Variants in TMPRSS11B observed in about 807,000 individuals in gnomAD.
The protein encoded by TMPRSS11B is transmembrane protease serine 11B.
In TMPRSS11B, 53 loss-of-function variants were observed where a neutral mutation model predicts 44.7. The observed-to-expected ratio is 1.19, with a 90% CI of 0.95 to 1.49. The LOEUF (loss-of-function observed/expected upper bound fraction) is 1.49. TMPRSS11B is among the 40% of genes most tolerant of loss of function. The pLI is 0.00. For missense variants in TMPRSS11B, 526 were observed against 494.8 expected, an observed-to-expected ratio of 1.06 and a Z score of -0.60; for synonymous variants, 140 against 159.2, an observed-to-expected ratio of 0.88 and a Z score of 0.91.
intron 2 of TMPRSS11B, among the ~76,000 whole-genome samples, chr4:68,239,936 T>C (rs745353433): frequency 6.6e-6 from 1 of 152,224 alleles, no homozygotes; most frequent in Non-Finnish European, 1.5e-5. Flanking sequence ...AAATTGGTTA[T>C]ACATGTGTAT....
chr4:68,228,076 G>A lies in TMPRSS11B; in HGVS notation c.1090-4C>T, dbSNP rs768324889. On this transcript the variant is annotated splice_region_variant and splice_polypyrimidine_tract_variant and intron_variant, in intron 9 of 9. Coordinates refer to ENST00000332644, the MANE Select transcript of TMPRSS11B (RefSeq NM_182502.3). ...CTAGTGGTCCACCAGAATCATTCTA[G>A]AAGAAGAAAAGAAAAAAATGTTTCT... is the stretch of plus-strand genomic sequence containing the variant. The A allele has an allele frequency of 6.3e-7, 1 of 1,587,332 alleles. No homozygotes were observed. Among genetic ancestry groups the A allele is most frequent in the Admixed American group, 1.9e-5 (1 of 51,694 alleles).
intron 1 of TMPRSS11B, among the ~76,000 whole-genome samples, chr4:68,242,226 T>TATA (rs1180735111): frequency 1.5e-4 from 12 of 81,504 alleles, no homozygotes; most frequent in African/African-American, 7.3e-4. Context: ...AATATTATAT[T>TATA]ATATTATATA....
chr4:68,230,762 C>G, intron 7 of TMPRSS11B, among the ~76,000 whole-genome samples: 1 of 151,212 alleles, frequency 6.6e-6, no homozygotes, highest in Non-Finnish European at 1.5e-5. Context: ...TGAGATCGCA[C>G]CATTGCACTC....
At chr4:68,241,609 A>AT in intron 2 of TMPRSS11B, 80 bp downstream of exon 2, 1 of 823,322 alleles carries the variant, frequency 1.2e-6, no homozygotes, top group Non-Finnish European at 1.9e-6. Context: ...AAGAAATTTA[A>AT]TGTTCATGTT....
At chr4:68,242,529 A>G (rs1719889694) in intron 1 of TMPRSS11B, among the ~76,000 whole-genome samples, 1 of 145,690 alleles carries the variant, frequency 6.9e-6, no homozygotes, top group Admixed American at 7.2e-5. Context: ...TTTACTTTTA[A>G]CTGCATTTTC....
rs1481689829 is a variant in TMPRSS11B, at chr4:68,242,376, A to ATAT, written c.9-575_9-573dup. On this transcript the variant is annotated intron_variant, in intron 1 of 9. Transcript: ENST00000332644. The stretch of plus-strand genomic sequence containing the variant: ...ATAATATTATATTATATATAATATT[A>ATAT]TATATATAATATATAATATATTATG... Among the ~76,000 whole-genome samples, 241 of 57,852 alleles carry ATAT rather than the reference A, an allele frequency of 4.2e-3. 9 individuals carry two copies. The highest frequency in any genetic ancestry group is 0.016 in the African/African-American group (224 of 13,834). The allele number at this position is 57,852 out of a possible 152,430, so 38.0% of individuals were successfully genotyped here. A position where few individuals can be genotyped will look rare whatever the true frequency, so the allele number is the denominator to read the frequency against.
At position 68,227,868 on chromosome 4, in the gene TMPRSS11B, G is replaced by T. The variant is rs1211742583; in HGVS notation, c.*43C>A. 1 of 1,483,826 alleles carries T rather than the reference G, an allele frequency of 6.7e-7. No homozygotes were observed. Among genetic ancestry groups the T allele is most frequent in the African/African-American group, 1.4e-5 (1 of 71,186 alleles). 91.9% of individuals were successfully genotyped at this position (1,483,826 alleles called of 1,614,324 possible). A position where few individuals can be genotyped will look rare whatever the true frequency, so the allele number is the denominator to read the frequency against. ...GATCCCAAAGCCACAGATAAGGATA[G>T]CCTACAGTGGTCTTTATGTTCCTTT... On this transcript the variant is annotated 3_prime_UTR_variant, in exon 10 of 10. Transcript: ENST00000332644.
At chr4:68,229,540 A>T in intron 7 of TMPRSS11B, 24 bp from the exon 8 acceptor site, 1 of 1,597,104 alleles carries the variant, frequency 6.3e-7, no homozygotes, top group Non-Finnish European at 8.5e-7. Context: ...TGTAATTAGA[A>T]TACACTCAGT....
chr4:68,239,690 T>G (rs1577979903), intron 2 of TMPRSS11B, among the ~76,000 whole-genome samples: 1 of 152,208 alleles, frequency 6.6e-6, no homozygotes, highest in African/African-American at 2.4e-5. Context: ...AGACAGATTT[T>G]ATTACCTCTC....
At chr4:68,233,276 C>G (rs887691326) in intron 5 of TMPRSS11B, among the ~76,000 whole-genome samples, 1 of 152,046 alleles carries the variant, frequency 6.6e-6, no homozygotes, top group Non-Finnish European at 1.5e-5. Flanking sequence ...GTAACGGGGT[C>G]TTTATTGTGT....
rs1577983189 is a variant in TMPRSS11B at position 68,245,641 on chromosome 4, T to C, written c.-83A>G. The C allele has an allele frequency of 2.0e-6, 3 of 1,524,484 alleles. No individual in the cohort carries two copies. In the South Asian group the frequency reaches 3.4e-5, roughly 17 times the overall value. 94.4% of individuals were successfully genotyped at this position (1,524,484 alleles called of 1,614,324 possible). On this transcript the variant is annotated 5_prime_UTR_variant, in exon 1 of 10. Transcript: ENST00000332644. ...ATAACGATAACGATGACAATGCTGG[T>C]AATAGTGATGACAAAAGTTAGAACC... is the stretch of plus-strand genomic sequence containing the variant.
rs555198417 is a variant in TMPRSS11B at position 68,227,324 on chromosome 4, A to T, written c.*587T>A. 1 of 151,920 alleles carries T rather than the reference A, an allele frequency of 6.6e-6. No individual in the cohort carries two copies. Among genetic ancestry groups the T allele is most frequent in the East Asian group, 1.9e-4 (1 of 5,178 alleles). The allele number at this position is 151,920 out of a possible 1,614,324, so 9.4% of individuals were successfully genotyped here. On this transcript the variant is annotated 3_prime_UTR_variant, in exon 10 of 10. Coordinates refer to ENST00000332644, the MANE Select transcript of TMPRSS11B (RefSeq NM_182502.3). ...GATTCTGGAAAACAAATTAAGGTCA[A>T]TTCTGAATATAATGGTAAAATGAAT...
chr4:68,239,741 T>A (rs1167388995), intron 2 of TMPRSS11B, among the ~76,000 whole-genome samples: 1 of 152,126 alleles, frequency 6.6e-6, no homozygotes, highest in Non-Finnish European at 1.5e-5. Flanking sequence ...ACAATACCTA[T>A]ACATCATAAT....
intron 5 of TMPRSS11B, among the ~76,000 whole-genome samples, chr4:68,232,654 G>A (rs1266771213): frequency 6.6e-6 from 1 of 152,134 alleles, no homozygotes; most frequent in African/African-American, 2.4e-5. Context: ...ACAAAAATCA[G>A]TTTTATGATT....
Position 68,245,509 on chromosome 4 carries a change from T to C in TMPRSS11B, c.8+42A>G, listed in dbSNP as rs776109164. ...TAGAACATACTTAATGGCAACTTGC[T>C]ACATTTTGCCAACTTGCTCTCCCCA... is the stretch of plus-strand genomic sequence containing the variant. On this transcript the variant is annotated intron_variant, in intron 1 of 9. Transcript: ENST00000332644. The C allele has an allele frequency of 1.1e-5, 17 of 1,607,942 alleles. No individual in the cohort carries two copies. The Admixed American group carries it at 2.2e-4, about 21-fold the overall frequency.
At chr4:68,234,672 G>T in intron 4 of TMPRSS11B, 49 bp from the exon 5 acceptor site, 2 of 1,586,448 alleles carry the variant, frequency 1.3e-6, no homozygotes, top group Admixed American at 1.8e-5. Context: ...ATCTTTTAGA[G>T]GTTTTGTGAA....
At chr4:68,242,370 A>ATATTATATATAATATTATATTATAT (rs1560445733) in intron 1 of TMPRSS11B, among the ~76,000 whole-genome samples, 4 of 34,430 alleles carry the variant, frequency 1.2e-4, no homozygotes, top group African/African-American at 4.3e-4. Flanking sequence ...TATTATATAT[A>ATATTATATATAATATTATATTATAT]ATATTATATA....
intron 5 of TMPRSS11B, 49 bp from the exon 6 acceptor site, chr4:68,232,465 A>C: frequency 6.5e-7 from 1 of 1,541,294 alleles, no homozygotes; most frequent in Non-Finnish European, 8.9e-7. Context: ...AATATCACCA[A>C]GCAATTGACT....
Position 68,241,099 on chromosome 4 carries a change from T to C in TMPRSS11B, c.124+590A>G, listed in dbSNP as rs181354372. ...TGGGAAGATAAAGTGGAATGATGGA[T>C]GTCAAATTTATTTTAAAACATTAAA... On this transcript the variant is annotated intron_variant, in intron 2 of 9. Coordinates refer to ENST00000332644, the MANE Select transcript of TMPRSS11B (RefSeq NM_182502.3). Among the ~76,000 whole-genome samples the C allele has an allele frequency of 2.9e-3, 448 of 152,268 alleles. 1 individual carries two copies. The highest frequency in any genetic ancestry group is 0.01 in the African/African-American group (429 of 41,550).
Sources: allele counts gnomAD v4.1 joint callset (sites outside exome capture counted in the v4.1 genomes callset), GRCh38; gene constraint gnomAD v4.1.1; transcripts MANE v1.5; gene names NCBI Gene and HGNC (gene_info 2026-07-23, HGNC 2026-07-21).